TMEM229B: variants seen among roughly 807,000 people sequenced by gnomAD.
The protein encoded by TMEM229B is chromosome 14 open reading frame 83.
Under a neutral mutation model 13.7 loss-of-function variants are expected in TMEM229B, and 6 were observed. The observed-to-expected ratio is 0.44, with a 90% confidence interval of 0.24 to 0.86. TMEM229B has a LOEUF of 0.86. Ranked by LOEUF, TMEM229B falls within the 40% of genes least tolerant of loss-of-function variation. TMEM229B has a pLI of 0.23. For synonymous variants in TMEM229B, 107 were observed against 102.1 expected, an observed-to-expected ratio of 1.05 and a Z score of -0.29; for missense variants, 170 against 236.0, an observed-to-expected ratio of 0.72 and a Z score of 1.83.
chr14:67,516,337 C>T (rs969981562), upstream of TMEM229B, among the ~76,000 whole-genome samples: 1 of 152,158 alleles, frequency 6.6e-6, no homozygotes, highest in Admixed American at 6.5e-5. Context: ...CTCTCGCAAA[C>T]CCTATGCATG....
intron 1 of TMEM229B, among the ~76,000 whole-genome samples, chr14:67,500,423 T>G (rs2032558652): frequency 1.3e-5 from 2 of 152,018 alleles, no homozygotes; most frequent in African/African-American, 4.8e-5. Flanking sequence ...GCAGGTGAGC[T>G]GAGCTCTCAC....
chr14:67,510,287 G>A (rs975607665), intron 1 of TMEM229B, among the ~76,000 whole-genome samples: 3 of 152,204 alleles, frequency 2.0e-5, no homozygotes, highest in African/African-American at 7.2e-5. Context: ...GTCTCAGAGG[G>A]CTGAAATGGG....
At position 67,472,832 on chromosome 14, in the gene TMEM229B, G is replaced by A. The variant is rs1490735157; in HGVS notation, c.*588C>T. ...ACGGGGGCCCCAGAAGGCCAAGGGA[G>A]CAGCGCAGGGCCCTGGGGGAGGGGA... On this transcript the variant is annotated 3_prime_UTR_variant, in exon 3 of 3. Coordinates refer to ENST00000554480, the MANE Select transcript of TMEM229B (RefSeq NM_001348543.2). 2.4e-4 allele frequency: 37 copies of A among 155,256 alleles called. No homozygotes were observed. The allele number at this position is 155,256 out of a possible 1,614,324, so 9.6% of individuals were successfully genotyped here. A position where few individuals can be genotyped will look rare whatever the true frequency, so the allele number is the denominator to read the frequency against.
intron 1 of TMEM229B, among the ~76,000 whole-genome samples, chr14:67,509,429 C>T (rs2032951743): frequency 6.6e-6 from 1 of 152,154 alleles, no homozygotes; most frequent in South Asian, 2.1e-4. Context: ...AGCGATTCTC[C>T]TGCCTCAGCC....
chr14:67,482,595 A>T (rs1197799544), intron 2 of TMEM229B, among the ~76,000 whole-genome samples: 2 of 152,178 alleles, frequency 1.3e-5, no homozygotes, highest in Non-Finnish European at 2.9e-5. Flanking sequence ...CCCTGAGGCA[A>T]CGCAGCGGGG....
chr14:67,529,638 A>G (rs1000598407), intron 1 of TMEM229B, among the ~76,000 whole-genome samples: 4 of 152,060 alleles, frequency 2.6e-5, no homozygotes, highest in Admixed American at 2.6e-4. Context: ...TGCATGTCCA[A>G]TCACTGCCTT....
Position 67,473,717 on chromosome 14 carries a change from G to T in TMEM229B, c.207C>A (p.Gly69=). The change falls in exon 3 of 3, where the codon GGC becomes GGA. Residue 69 remains glycine (G), a synonymous_variant. Coordinates refer to ENST00000554480, the MANE Select transcript of TMEM229B (RefSeq NM_001348543.2). This position sits in a 1 kb window ranked among gnomAD's most constrained non-coding sequence, Gnocchi z 6.5. ...GGCAGCGCAGGAGCAGCGGGCAGCG[G>T]CCGCGCAGCCGCAGGTACATGCGCT... ...IVERMYLRLR[G]RCPLLLRCLI... 1 of 1,604,622 alleles carries T rather than the reference G, an allele frequency of 6.2e-7. No individual in the cohort carries two copies. The highest frequency in any genetic ancestry group is 1.7e-5 in the Admixed American group (1 of 58,436).
Position 67,473,318 on chromosome 14 carries a change from C to T in TMEM229B, c.*102G>A, listed in dbSNP as rs989744667. On this transcript the variant is annotated 3_prime_UTR_variant, in exon 3 of 3. Coordinates refer to ENST00000554480, the MANE Select transcript of TMEM229B (RefSeq NM_001348543.2). The surrounding 1 kb of genome is among the most constrained non-coding windows in gnomAD (Gnocchi z 6.5). The stretch of plus-strand genomic sequence containing the variant: ...GTGCCCTATAGGGCTGAGGCTTGGC[C>T]GGAGCAGGGCTTTTGCTGCATGGAT... 2.0e-6 allele frequency: 3 copies of T among 1,496,960 alleles called. No homozygotes were observed. Among genetic ancestry groups the T allele is most frequent in the Admixed American group, 1.9e-5 (1 of 51,878 alleles). The allele number at this position is 1,496,960 out of a possible 1,614,324, so 92.7% of individuals were successfully genotyped here.
intron 1 of TMEM229B, among the ~76,000 whole-genome samples, chr14:67,495,042 G>A (rs956313865): frequency 6.6e-6 from 1 of 152,130 alleles, no homozygotes; most frequent in Non-Finnish European, 1.5e-5. Flanking sequence ...TACTGTTCTG[G>A]CAACTTTTCT....
chr14:67,483,003 C>T (rs1046202496), intron 2 of TMEM229B, among the ~76,000 whole-genome samples: 9 of 152,106 alleles, frequency 5.9e-5, no homozygotes, highest in African/African-American at 2.2e-4. Context: ...AGGCTACGTT[C>T]TTTTTTTGTT....
At chr14:67,510,673 C>T (rs1347329859) in intron 1 of TMEM229B, among the ~76,000 whole-genome samples, 1 of 152,112 alleles carries the variant, frequency 6.6e-6, no homozygotes, top group Non-Finnish European at 1.5e-5. Context: ...AAAGTAAGAC[C>T]AATGCTCTGG....
In TMEM229B at chr14:67,506,503, C is replaced by T. The variant is rs562336123; in HGVS notation, c.-192+8583G>A. Among the ~76,000 whole-genome samples, 11 of 152,220 alleles carry T rather than the reference C, an allele frequency of 7.2e-5. No individual in the cohort carries two copies. The South Asian group carries it at 1.9e-3, about 26-fold the overall frequency. On this transcript the variant is annotated intron_variant, in intron 1 of 2. Transcript: ENST00000357461. ...TGTACCAAATGAAATCATCTCTCAT[C>T]CCCCCAGTAGCATGGTACCCCCCAT...
chr14:67,523,878 A>G (rs1050878346), intron 1 of TMEM229B, among the ~76,000 whole-genome samples: 1 of 151,854 alleles, frequency 6.6e-6, no homozygotes, highest in Admixed American at 6.6e-5. Context: ...AATGTCAGGT[A>G]TAGAGCTGTG....
intron 1 of TMEM229B, among the ~76,000 whole-genome samples, chr14:67,508,873 A>C (rs2032932780): frequency 6.6e-6 from 1 of 152,130 alleles, no homozygotes; most frequent in Admixed American, 6.6e-5. Flanking sequence ...ATTTTCTCAG[A>C]AGAACAGAAT....
At chr14:67,520,211 T>C (rs980082253), upstream of TMEM229B, among the ~76,000 whole-genome samples, 1 of 152,184 alleles carries the variant, frequency 6.6e-6, no homozygotes, top group Non-Finnish European at 1.5e-5. Context: ...GTCCATAGTT[T>C]ACATTAGGGT....
At chr14:67,485,766 G>A (rs886982886) in intron 2 of TMEM229B, among the ~76,000 whole-genome samples, 1 of 152,382 alleles carries the variant, frequency 6.6e-6, no homozygotes, top group South Asian at 2.1e-4. Context: ...AGAAAGGCCT[G>A]TGAGGACAGG....
upstream of TMEM229B, among the ~76,000 whole-genome samples, chr14:67,516,962 A>G (rs1258472460): frequency 2.6e-5 from 4 of 152,234 alleles, no homozygotes; most frequent in Non-Finnish European, 2.9e-5. Flanking sequence ...CATCATAAAT[A>G]TAGTATAATG....
intron 2 of TMEM229B, among the ~76,000 whole-genome samples, chr14:67,484,305 T>C (rs1228556627): frequency 6.6e-6 from 1 of 152,200 alleles, no homozygotes; most frequent in Admixed American, 6.5e-5. Context: ...ACTTGTGGAA[T>C]GAATGGATGG....
intron 2 of TMEM229B, among the ~76,000 whole-genome samples, chr14:67,479,226 T>G (rs2031423998): frequency 2.0e-5 from 3 of 151,536 alleles, no homozygotes; most frequent in Admixed American, 2.0e-4. Flanking sequence ...GCCAACATGG[T>G]GAAACCCTGT....
Sources: gnomAD v4.1 joint callset for allele counts (sites outside exome capture counted in the v4.1 genomes callset) on GRCh38, gnomAD v4.1.1 for gene constraint, Gnocchi (gnomAD v3.1) non-coding constraint, MANE v1.5 for transcripts, NCBI Gene and HGNC (gene_info 2026-07-23, HGNC 2026-07-21) for gene names.